Variants in TMEM178B observed in about 807,000 individuals in gnomAD.
TMEM178B encodes the protein transmembrane protein 178B.
Under a neutral mutation model 31.0 loss-of-function variants are expected in TMEM178B, and 5 were observed. That is an observed-to-expected ratio of 0.16 (90% CI 0.08 to 0.34). TMEM178B has a LOEUF of 0.34. Among genes scored for constraint, TMEM178B ranks in the 10% least tolerant of loss-of-function variants. The pLI is 1.00. For synonymous variants in TMEM178B, 164 were observed against 164.0 expected, an observed-to-expected ratio of 1.00 and a Z score of 0.00; for missense variants, 275 against 400.3, an observed-to-expected ratio of 0.69 and a Z score of 2.67.
the TMEM178B span, among the ~76,000 whole-genome samples, chr7:141,498,513 CAAAA>C: frequency 6.6e-6 from 1 of 152,176 alleles, no homozygotes; most frequent in African/African-American, 2.4e-5. Context: ...TGTTCAGCCT[CAAAA>C]GAACAGAAGA....
intron 2 of TMEM178B, among the ~76,000 whole-genome samples, chr7:141,216,472 T>C (rs1797153035): frequency 1.2e-5 from 1 of 83,704 alleles, no homozygotes; most frequent in African/African-American, 3.1e-5. Context: ...CGTGTGTGTG[T>C]GTGGGTGTGT....
At chr7:141,109,620 A>G (rs1220125639) in intron 1 of TMEM178B, among the ~76,000 whole-genome samples, 1 of 152,186 alleles carries the variant, frequency 6.6e-6, no homozygotes, top group Non-Finnish European at 1.5e-5. Flanking sequence ...TCTCCTCACC[A>G]TTAACCCCCC....
At chr7:141,341,064 C>G (rs1437529666) in intron 2 of TMEM178B, among the ~76,000 whole-genome samples, 3 of 152,190 alleles carry the variant, frequency 2.0e-5, no homozygotes, top group African/African-American at 7.2e-5. Flanking sequence ...ACCTTCACAA[C>G]AAATCCACAC....
rs1376281687 is a variant in TMEM178B at position 141,074,783 on chromosome 7, A to G, written c.382+91A>G. 2 of 1,424,818 alleles carry G rather than the reference A, an allele frequency of 1.4e-6. No individual in the cohort carries two copies. The highest frequency in any genetic ancestry group is 1.8e-6 in the Non-Finnish European group (2 of 1,090,968). The allele number at this position is 1,424,818 out of a possible 1,614,324, so 88.3% of individuals were successfully genotyped here. On this transcript the variant is annotated intron_variant, in intron 1 of 3. Coordinates refer to ENST00000565468, the MANE Select transcript of TMEM178B (RefSeq NM_001195278.2). This position sits in a 1 kb window ranked among gnomAD's most constrained non-coding sequence, Gnocchi z 5.1. ...GCGTCTCCTTCCCAGGCCACAGGCT[A>G]TCAGGTCTCTGGGTTCCAGGCGGTC...
In TMEM178B at chr7:141,318,219, G is replaced by A. The variant is rs574725226; in HGVS notation, c.496+105515G>A. ...CAGATCATTGAGCCTACAACATGGC[G>A]TTCCCTATGTAAATGTCACACAAGT... On this transcript the variant is annotated intron_variant, in intron 2 of 3. Transcript: ENST00000565468. This position sits in a 1 kb window ranked among gnomAD's most constrained non-coding sequence, Gnocchi z 4.1. Among the ~76,000 whole-genome samples, 28 of 152,254 alleles carry A rather than the reference G, an allele frequency of 1.8e-4. No individual in the cohort carries two copies. Among genetic ancestry groups the A allele is most frequent in the African/African-American group, 4.1e-4 (17 of 41,542 alleles).
chr7:141,075,017 C>T (rs547414530), intron 1 of TMEM178B, among the ~76,000 whole-genome samples: 1 of 152,330 alleles, frequency 6.6e-6, no homozygotes, highest in African/African-American at 2.4e-5. Context: ...GTTGTTTGTG[C>T]TCTTAAAGGA....
intron 2 of TMEM178B, among the ~76,000 whole-genome samples, chr7:141,411,105 A>G (rs756972410): frequency 6.6e-5 from 10 of 151,238 alleles, no homozygotes; most frequent in Admixed American, 2.0e-4. Context: ...AGAATGGTGG[A>G]GGCTAGGGGC....
At chr7:141,198,762 C>T (rs376978446) in intron 1 of TMEM178B, among the ~76,000 whole-genome samples, 77 of 152,274 alleles carry the variant, frequency 5.1e-4, no homozygotes, top group African/African-American at 1.8e-3. Context: ...GTCTCCTTCT[C>T]GCCTCGTTTG....
chr7:141,229,866 A>T (rs1208292413), intron 2 of TMEM178B, among the ~76,000 whole-genome samples: 1 of 152,176 alleles, frequency 6.6e-6, no homozygotes, highest in Non-Finnish European at 1.5e-5. Flanking sequence ...ACAGAATGAG[A>T]CCGTTTCAAA....
chr7:141,309,029 G>C (rs1798864741), intron 2 of TMEM178B, among the ~76,000 whole-genome samples: 1 of 152,178 alleles, frequency 6.6e-6, no homozygotes, highest in Non-Finnish European at 1.5e-5. Flanking sequence ...GCTTCAGCTT[G>C]AACTACAAGA....
chr7:141,161,584 G>T (rs1796173405), intron 1 of TMEM178B, among the ~76,000 whole-genome samples: 1 of 152,156 alleles, frequency 6.6e-6, no homozygotes, highest in Non-Finnish European at 1.5e-5. Context: ...AGGAAGGCCT[G>T]GGTGGGTTGA....
chr7:141,263,247 AT>A (rs1798042529), intron 2 of TMEM178B, among the ~76,000 whole-genome samples: 1 of 152,132 alleles, frequency 6.6e-6, no homozygotes, highest in Non-Finnish European at 1.5e-5. Context: ...TTCCCTGAGC[AT>A]TCCTCTGGCT....
chr7:141,389,852 C>G (rs1007182834), intron 2 of TMEM178B, among the ~76,000 whole-genome samples: 1 of 152,156 alleles, frequency 6.6e-6, no homozygotes, highest in African/African-American at 2.4e-5. Context: ...CCCGGTCTTT[C>G]AGAGGGGTGA....
intron 2 of TMEM178B, among the ~76,000 whole-genome samples, chr7:141,303,657 G>A (rs548887242): frequency 6.6e-6 from 1 of 152,178 alleles, no homozygotes; most frequent in Admixed American, 6.5e-5. Context: ...GGTGGAGAGA[G>A]AGCTTTAGGA....
chr7:141,488,115 G>A, the TMEM178B span, among the ~76,000 whole-genome samples: 4 of 152,072 alleles, frequency 2.6e-5, no homozygotes, highest in Admixed American at 1.3e-4. Context: ...TATCTACAAG[G>A]TGAGTGGGAA....
In TMEM178B at chr7:141,206,366, G is replaced by A. The variant is rs573066872; in HGVS notation, c.383-6225G>A. Among the ~76,000 whole-genome samples, 13 of 152,254 alleles carry A rather than the reference G, an allele frequency of 8.5e-5. 1 individual carries two copies. In the South Asian group the frequency reaches 2.7e-3, roughly 32 times the overall value. On this transcript the variant is annotated intron_variant, in intron 1 of 3. Coordinates refer to ENST00000565468, the MANE Select transcript of TMEM178B (RefSeq NM_001195278.2). ...GGAAGAGCGAGGGGAGATGTGAGAG[G>A]AAGAGCCCTGGAGAAAGAGAGGAAT... is the stretch of plus-strand genomic sequence containing the variant.
rs537574959 is a variant in TMEM178B, at chr7:141,124,288, A to G, written c.382+49596A>G. Among the ~76,000 whole-genome samples the G allele has an allele frequency of 5.9e-5, 9 of 152,224 alleles. No homozygotes were observed. In the East Asian group the frequency reaches 1.7e-3, roughly 29 times the overall value. ...AGGCTGAGGCAGGAGAACAGCTGGA[A>G]TCTGGGAGGCAGAGGTTGCAGTGAG... On this transcript the variant is annotated intron_variant, in intron 1 of 3. Transcript: ENST00000565468.
At chr7:141,187,285 G>T (rs1365330335) in intron 1 of TMEM178B, among the ~76,000 whole-genome samples, 1 of 151,558 alleles carries the variant, frequency 6.6e-6, no homozygotes, top group Admixed American at 6.6e-5. Flanking sequence ...CATTTTTTAT[G>T]GCTGCATAGT....
At chr7:141,387,700 G>A (rs1202375081) in intron 2 of TMEM178B, among the ~76,000 whole-genome samples, 1 of 152,110 alleles carries the variant, frequency 6.6e-6, no homozygotes, top group African/African-American at 2.4e-5. Flanking sequence ...TCACCCGGTG[G>A]GTGGCCTCCC....
Sources: gnomAD v4.1 joint callset for allele counts (sites outside exome capture counted in the v4.1 genomes callset) on GRCh38, gnomAD v4.1.1 for gene constraint, Gnocchi (gnomAD v3.1) non-coding constraint, MANE v1.5 for transcripts, NCBI Gene and HGNC (gene_info 2026-07-23, HGNC 2026-07-21) for gene names.